Variants in NPEPPS observed in about 807,000 individuals in gnomAD.
The protein encoded by NPEPPS is aminopeptidase puromycin sensitive.
NPEPPS carries 14 observed loss-of-function variants against 115.5 expected under a neutral mutation model. The observed-to-expected ratio is 0.12, with a 90% CI of 0.08 to 0.19. The LOEUF (loss-of-function observed/expected upper bound fraction) is 0.19. NPEPPS is among the 10% of genes least tolerant of loss of function. The pLI is 1.00. For missense variants in NPEPPS, 523 were observed against 1,110.8 expected (o/e 0.47, Z 7.52); for synonymous variants, 285 against 390.6 (o/e 0.73, Z 3.19).
intron 20 of NPEPPS, 105 bp from the exon 21 acceptor site, chr17:47,618,897 CAAGGAAT>C: frequency 1.0e-6 from 1 of 958,884 alleles, no homozygotes. Flanking sequence ...ATTCCTAAAA[CAAGGAAT>C]AAGTGTCTTC....
chr17:47,563,592 A>T (rs1394135735), intron 2 of NPEPPS, among the ~76,000 whole-genome samples: 5 of 151,356 alleles, frequency 3.3e-5, no homozygotes, highest in Admixed American at 3.3e-4. Flanking sequence ...TTTTTTTTAG[A>T]TGGAGTCTTG....
intron 19 of NPEPPS, among the ~76,000 whole-genome samples, chr17:47,615,451 G>A (rs558222029): frequency 2.0e-5 from 3 of 152,258 alleles, no homozygotes; most frequent in South Asian, 2.1e-4. Context: ...CAGCTTCTCA[G>A]GAGGCTGAGG....
intron 2 of NPEPPS, among the ~76,000 whole-genome samples, chr17:47,548,590 C>CTTTTTTT (rs538733982): frequency 1.9e-5 from 2 of 104,724 alleles, no homozygotes; most frequent in African/African-American, 3.6e-5. Context: ...CTGAAAAGTT[C>CTTTTTTT]TTTTTTTTTT....
intron 4 of NPEPPS, chr17:47,579,930 CGTGTGTGTGTGTGTGT>C (rs10591746): frequency 1.4e-5 from 2 of 146,528 alleles, no homozygotes; most frequent in Non-Finnish European, 2.9e-5. Context: ...TTTTTTTCTC[CGTGTGTGTGTGTGTGT>C]GTGTGTGTGT....
chr17:47,580,507 A>G (rs866854461), intron 4 of NPEPPS: 4 of 152,166 alleles, frequency 2.6e-5, no homozygotes, highest in Non-Finnish European at 1.5e-5. Flanking sequence ...TACTGGGTAT[A>G]TAGATTTGTT....
At chr17:47,600,803 T>C (rs1235244912) in intron 14 of NPEPPS, among the ~76,000 whole-genome samples, 2 of 152,178 alleles carry the variant, frequency 1.3e-5, no homozygotes, top group African/African-American at 4.8e-5. Flanking sequence ...TAGATATGAC[T>C]CCTCTGTGAC....
At chr17:47,562,424 A>G (rs1438930348) in intron 2 of NPEPPS, among the ~76,000 whole-genome samples, 1 of 152,176 alleles carries the variant, frequency 6.6e-6, no homozygotes, top group African/African-American at 2.4e-5. Context: ...GTGGGGAGAA[A>G]TCCCCACACA....
chr17:47,537,838 T>A (rs1438083160), intron 1 of NPEPPS, among the ~76,000 whole-genome samples: 1 of 152,070 alleles, frequency 6.6e-6, no homozygotes, highest in East Asian at 1.9e-4. Context: ...TGAACATCTC[T>A]CATTGACCCC....
chr17:47,615,230 A>G (rs1914132704), intron 19 of NPEPPS, among the ~76,000 whole-genome samples: 1 of 151,852 alleles, frequency 6.6e-6, no homozygotes, highest in African/African-American at 2.4e-5. Flanking sequence ...GGCACCCGCC[A>G]CCACACCCAG....
intron 1 of NPEPPS, among the ~76,000 whole-genome samples, chr17:47,545,639 C>T (rs1416523867): frequency 6.6e-6 from 1 of 152,130 alleles, no homozygotes; most frequent in African/African-American, 2.4e-5. Context: ...GCCTCAACCT[C>T]CTGGGCTCAA....
chr17:47,603,882 C>T, intron 15 of NPEPPS, 33 bp from the exon 16 acceptor site: 15 of 1,560,454 alleles, frequency 9.6e-6, no homozygotes, highest in Non-Finnish European at 1.3e-5. Flanking sequence ...ATTAATGGAG[C>T]TGTTTAATAG....
intron 2 of NPEPPS, among the ~76,000 whole-genome samples, chr17:47,558,319 G>A (rs1157329474): frequency 1.3e-5 from 2 of 151,798 alleles, no homozygotes; most frequent in African/African-American, 4.8e-5. Context: ...AGTAGAGATG[G>A]GGTTTCACCA....
rs1321789745 is a variant in NPEPPS at position 47,545,897 on chromosome 17, T to G, written c.256-12T>G. On this transcript the variant is annotated splice_polypyrimidine_tract_variant and intron_variant, in intron 1 of 22. Coordinates refer to ENST00000322157, the MANE Select transcript of NPEPPS (RefSeq NM_006310.4). ...CTATTTCTGACACTGTTGATTTTCC[T>G]TTTCCCCTTAGGTGAGGCAGGCGAC... The G allele has an allele frequency of 6.6e-7, 1 of 1,526,656 alleles. No individual in the cohort carries two copies. The highest frequency in any genetic ancestry group is 2.4e-5 in the East Asian group (1 of 41,100). 94.6% of individuals were successfully genotyped at this position (1,526,656 alleles called of 1,614,324 possible).
chr17:47,537,954 C>T (rs1410940018), intron 1 of NPEPPS, among the ~76,000 whole-genome samples: 15 of 148,754 alleles, frequency 1.0e-4, no homozygotes, highest in African/African-American at 5.0e-5. Context: ...AGTGCAGTGG[C>T]ACAATCTCGG....
chr17:47,527,300 T>A (rs1469465345), upstream of NPEPPS, among the ~76,000 whole-genome samples: 2 of 151,968 alleles, frequency 1.3e-5, no homozygotes, highest in Admixed American at 1.3e-4. Flanking sequence ...CTGGCCAACA[T>A]GGTGAAATCC....
chr17:47,543,350 C>T (rs1908926021), intron 1 of NPEPPS, among the ~76,000 whole-genome samples: 1 of 151,016 alleles, frequency 6.6e-6, no homozygotes, highest in Non-Finnish European at 1.5e-5. Context: ...CAAAGTTTTG[C>T]TCTTGTTGCC....
chr17:47,587,706 T>G (rs549758836), intron 9 of NPEPPS, among the ~76,000 whole-genome samples: 6 of 152,250 alleles, frequency 3.9e-5, no homozygotes, highest in Non-Finnish European at 8.8e-5. Flanking sequence ...TTTGTTAATC[T>G]GATTCACAGC....
chr17:47,601,634 C>G lies in NPEPPS; in HGVS notation c.1627C>G (p.Pro543Ala). 1.2e-6 allele frequency: 2 copies of G among 1,612,510 alleles called. No homozygotes were observed. Among genetic ancestry groups the G allele is most frequent in the Non-Finnish European group, 1.7e-6 (2 of 1,179,456 alleles). Reference protein sequence around the residue: ...VGEDCPQWMVPITISTSEDPN... With the variant: ...VGEDCPQWMVAITISTSEDPN... ...TGAAGATTGTCCCCAGTGGATGGTC[C>G]CTATCACAATCTCTACTAGTGAAGA... The change falls in exon 15 of 23, where the codon CCT (proline) becomes GCT (alanine). Residue 543 changes from proline to alanine, a missense_variant. Physicochemically the swap from Pro to Ala is conservative, Grantham distance 27 (BLOSUM62 -1). Coordinates refer to ENST00000322157, the MANE Select transcript of NPEPPS (RefSeq NM_006310.4).
intron 22 of NPEPPS, chr17:47,620,075 A>G (rs1285144472): frequency 3.6e-6 from 1 of 275,202 alleles, no homozygotes; most frequent in Non-Finnish European, 7.0e-6. Flanking sequence ...TTAGCTGGAC[A>G]TGGTGGTGCA....
Sources: allele counts gnomAD v4.1 joint callset (sites outside exome capture counted in the v4.1 genomes callset), GRCh38; gene constraint gnomAD v4.1.1; transcripts MANE v1.5; gene names NCBI Gene and HGNC (gene_info 2026-07-23, HGNC 2026-07-21).